GRID2: variants seen among roughly 807,000 people sequenced by gnomAD.
The protein encoded by GRID2 is glutamate receptor ionotropic, delta-2.
GRID2 carries 33 observed loss-of-function variants against 114.8 expected under a neutral mutation model. The observed-to-expected ratio is 0.29, with a 90% CI of 0.22 to 0.38. The LOEUF is 0.38. GRID2 is among the 10% of genes least tolerant of loss of function. The pLI is 1.00. For missense variants in GRID2, 1,184 were observed against 1,257.7 expected, an observed-to-expected ratio of 0.94 and a Z score of 0.89; for synonymous variants, 505 against 449.9, an observed-to-expected ratio of 1.12 and a Z score of -1.55.
chr4:92,616,327 C>G (rs1730002399), intron 2 of GRID2, among the ~76,000 whole-genome samples: 1 of 150,952 alleles, frequency 6.6e-6, no homozygotes, highest in Admixed American at 6.6e-5. Flanking sequence ...TCCTTTGTTT[C>G]TTGTAAAACA....
chr4:92,482,798 A>G (rs764435262), intron 1 of GRID2, among the ~76,000 whole-genome samples: 3 of 152,228 alleles, frequency 2.0e-5, no homozygotes, highest in African/African-American at 4.8e-5. Flanking sequence ...AATTCTTCAA[A>G]CTCAGTATAC....
chr4:92,560,478 G>A (rs769196030), intron 1 of GRID2, among the ~76,000 whole-genome samples: 11 of 151,992 alleles, frequency 7.2e-5, no homozygotes, highest in Non-Finnish European at 1.3e-4. Context: ...TAAGCAAAAG[G>A]GGAGACTGAA....
intron 14 of GRID2, among the ~76,000 whole-genome samples, chr4:93,681,557 G>T (rs1288373244): frequency 6.6e-6 from 1 of 152,042 alleles, no homozygotes; most frequent in Non-Finnish European, 1.5e-5. Context: ...AACCAAAACA[G>T]CATGGTACTG....
intron 2 of GRID2, among the ~76,000 whole-genome samples, chr4:92,787,990 A>G (rs1293363584): frequency 6.6e-6 from 1 of 151,820 alleles, no homozygotes; most frequent in Non-Finnish European, 1.5e-5. Context: ...TTGCAAGGAT[A>G]TGTTTCCAAA....
intron 4 of GRID2, among the ~76,000 whole-genome samples, chr4:93,196,851 C>T (rs1390665274): frequency 6.6e-6 from 1 of 152,098 alleles, no homozygotes; most frequent in Non-Finnish European, 1.5e-5. Context: ...ATAACTGTTT[C>T]TCTGGTTAAG....
chr4:93,504,965 G>A (rs749851715), intron 12 of GRID2, among the ~76,000 whole-genome samples: 1 of 152,080 alleles, frequency 6.6e-6, no homozygotes, highest in Non-Finnish European at 1.5e-5. Flanking sequence ...GAGGTGGTAT[G>A]CAGGTATTGT....
intron 2 of GRID2, among the ~76,000 whole-genome samples, chr4:92,603,857 A>T (rs1443584645): frequency 6.6e-6 from 1 of 152,144 alleles, no homozygotes; most frequent in Non-Finnish European, 1.5e-5. Flanking sequence ...CAACTCCATT[A>T]AAAAGTAGTC....
intron 12 of GRID2, among the ~76,000 whole-genome samples, chr4:93,504,236 G>A (rs114547954): frequency 2.8e-4 from 42 of 152,086 alleles, no homozygotes; most frequent in African/African-American, 9.6e-4. Context: ...TATTTCATTT[G>A]GGTCATTGTT....
At chr4:92,954,466 G>A (rs191516397) in intron 2 of GRID2, among the ~76,000 whole-genome samples, 5 of 151,482 alleles carry the variant, frequency 3.3e-5, no homozygotes, top group East Asian at 2.0e-4. Context: ...TCACTCTGTC[G>A]CCCAGACTGG....
chr4:92,629,850 CAATG>C lies in GRID2; in HGVS notation c.244+39567_244+39570del, dbSNP rs1331103934. 4.2e-5 allele frequency among the ~76,000 whole-genome samples: 6 copies of C among 142,204 alleles called. No homozygotes were observed. In the East Asian group the frequency reaches 1.2e-3, roughly 29 times the overall value. The allele number at this position is 142,204 out of a possible 152,430, so 93.3% of individuals were successfully genotyped here. ...ATTGTAGGTTTTATTCACAATAACA[CAATG>C]AAAGTAATTATATAATAAAATCAGT... On this transcript the variant is annotated intron_variant, in intron 2 of 15. Coordinates refer to ENST00000282020, the MANE Select transcript of GRID2 (RefSeq NM_001510.4).
At chr4:92,463,105 A>G (rs368405031) in intron 1 of GRID2, among the ~76,000 whole-genome samples, 1 of 152,004 alleles carries the variant, frequency 6.6e-6, no homozygotes, top group Non-Finnish European at 1.5e-5. Flanking sequence ...TTTTGATGGC[A>G]TGATGCTTTT....
intron 1 of GRID2, among the ~76,000 whole-genome samples, chr4:92,324,463 T>C (rs1192756670): frequency 6.6e-6 from 1 of 152,026 alleles, no homozygotes; most frequent in Non-Finnish European, 1.5e-5. Flanking sequence ...TTTTGTGTTG[T>C]AATCCTCTTA....
chr4:92,486,588 CACAA>C (rs777233084), intron 1 of GRID2, among the ~76,000 whole-genome samples: 4 of 143,762 alleles, frequency 2.8e-5, no homozygotes, highest in Non-Finnish European at 6.2e-5. Context: ...CACACACACA[CACAA>C]ACACAGATAA....
chr4:92,713,937 T>A (rs1270916745), intron 2 of GRID2, among the ~76,000 whole-genome samples: 1 of 151,990 alleles, frequency 6.6e-6, no homozygotes, highest in African/African-American at 2.4e-5. Flanking sequence ...CTCCCAAATC[T>A]CATGTCTTCA....
intron 14 of GRID2, among the ~76,000 whole-genome samples, chr4:93,675,555 C>A (rs1055723315): frequency 3.9e-5 from 6 of 152,062 alleles, no homozygotes; most frequent in African/African-American, 1.5e-4. Flanking sequence ...GAAATAAGTA[C>A]TATTGTGGAA....
intron 2 of GRID2, among the ~76,000 whole-genome samples, chr4:92,662,370 G>A (rs144761594): frequency 6.8e-4 from 102 of 151,098 alleles, no homozygotes; most frequent in African/African-American, 2.4e-3. Context: ...GATAATTGTA[G>A]CTATCAAATA....
intron 1 of GRID2, among the ~76,000 whole-genome samples, chr4:93,798,208 G>A (rs1484028961): frequency 1.3e-5 from 2 of 152,102 alleles, no homozygotes; most frequent in African/African-American, 2.4e-5. Flanking sequence ...GGGTTGTGGA[G>A]ATTGTGCTGT....
intron 2 of GRID2, among the ~76,000 whole-genome samples, chr4:92,868,292 G>A (rs1745048085): frequency 6.6e-6 from 1 of 151,888 alleles, no homozygotes; most frequent in African/African-American, 2.4e-5. Flanking sequence ...GAATTTTCAT[G>A]GGCAGAATTA....
At chr4:92,456,914 G>A (rs981474742) in intron 1 of GRID2, among the ~76,000 whole-genome samples, 1 of 151,988 alleles carries the variant, frequency 6.6e-6, no homozygotes, top group Non-Finnish European at 1.5e-5. Flanking sequence ...GGTATGTTAT[G>A]AAATATTTGT....
Sources: gnomAD v4.1 joint callset for allele counts (sites outside exome capture counted in the v4.1 genomes callset) on GRCh38, gnomAD v4.1.1 for gene constraint, MANE v1.5 for transcripts, NCBI Gene and HGNC (gene_info 2026-07-23, HGNC 2026-07-21) for gene names.